Variants in PCLO observed in about 807,000 individuals in gnomAD.
PCLO encodes piccolo presynaptic cytomatrix protein.
A neutral mutation model predicts 427.5 loss-of-function variants in PCLO; 82 were observed. That is an observed-to-expected ratio of 0.19 (90% CI 0.16 to 0.23). The LOEUF is 0.23. Among genes scored for constraint, PCLO ranks in the 10% least tolerant of loss-of-function variants. The probability of loss-of-function intolerance (pLI) is 1.00; values close to 1 mark genes in which losing one functional copy is unlikely to be tolerated. For missense variants in PCLO, 6,239 were observed against 6,115.9 expected (o/e 1.02, Z -0.67); for synonymous variants, 2,357 against 2,155.4 (o/e 1.09, Z -2.59).
chr7:82,894,283 T>C (rs187181566), intron 9 of PCLO: 2 of 152,276 alleles, frequency 1.3e-5, no homozygotes, highest in Non-Finnish European at 2.9e-5. Context: ...CATTTGTTCA[T>C]GAGAAGCGCT....
At chr7:83,042,547 G>A (rs982571635) in intron 3 of PCLO, among the ~76,000 whole-genome samples, 2 of 152,092 alleles carry the variant, frequency 1.3e-5, no homozygotes, top group Non-Finnish European at 2.9e-5. Flanking sequence ...GATGAGGGTA[G>A]GGAAGTCACT....
Position 82,987,688 on chromosome 7 carries a change from C to T in PCLO, c.3301-21201G>A, listed in dbSNP as rs564309773. On this transcript the variant is annotated intron_variant, in intron 3 of 24. Coordinates refer to ENST00000333891, the MANE Select transcript of PCLO (RefSeq NM_033026.6). The stretch of plus-strand genomic sequence containing the variant: ...AATTTCACAGAAAAAAATCCTAATT[C>T]AAAGAACTTTGCATAAATATGTTTT... Among the ~76,000 whole-genome samples, 8 of 152,172 alleles carry T rather than the reference C, an allele frequency of 5.3e-5. No homozygotes were observed. In the East Asian group the frequency reaches 1.5e-3, roughly 29 times the overall value.
intron 22 of PCLO, among the ~76,000 whole-genome samples, chr7:82,788,506 A>C (rs2129468329): frequency 6.6e-6 from 1 of 152,144 alleles, no homozygotes; most frequent in Non-Finnish European, 1.5e-5. Context: ...TTCCCAAAAT[A>C]GAATTGTAAT....
intron 22 of PCLO, among the ~76,000 whole-genome samples, chr7:82,780,623 A>T (rs1043329552): frequency 6.6e-6 from 1 of 152,154 alleles, no homozygotes; most frequent in African/African-American, 2.4e-5. Context: ...TCTCCGCTCA[A>T]TGCAAGCTCC....
At chr7:82,772,482 T>C (rs1279290231) in intron 22 of PCLO, among the ~76,000 whole-genome samples, 1 of 152,148 alleles carries the variant, frequency 6.6e-6, no homozygotes, top group Non-Finnish European at 1.5e-5. Context: ...TCATTAATTT[T>C]TTTTCCCCAA....
chr7:83,068,430 A>C (rs1583980567), intron 3 of PCLO, among the ~76,000 whole-genome samples: 1 of 151,958 alleles, frequency 6.6e-6, no homozygotes, highest in Non-Finnish European at 1.5e-5. Flanking sequence ...CAAACAAAAA[A>C]CCCCCCAGAT....
chr7:82,822,394 G>A (rs1395340221), intron 20 of PCLO, 101 bp downstream of exon 20: 4 of 1,602,194 alleles, frequency 2.5e-6, no homozygotes, highest in Non-Finnish European at 2.6e-6. Flanking sequence ...GGTGAGCAGA[G>A]GATGTTGAAA....
chr7:82,960,502 A>G (rs1795632700), intron 4 of PCLO, among the ~76,000 whole-genome samples: 1 of 152,206 alleles, frequency 6.6e-6, no homozygotes, highest in African/African-American at 2.4e-5. Flanking sequence ...TTTGGTTTCT[A>G]TGAGGAGAGT....
chr7:83,025,495 G>A (rs1343338408), intron 3 of PCLO, among the ~76,000 whole-genome samples: 1 of 152,024 alleles, frequency 6.6e-6, no homozygotes, highest in Admixed American at 6.6e-5. Context: ...ACCTGAAAGT[G>A]ATGGGGAGAA....
At chr7:82,812,000 C>CT (rs1424478923) in intron 20 of PCLO, among the ~76,000 whole-genome samples, 1 of 151,258 alleles carries the variant, frequency 6.6e-6, no homozygotes, top group Non-Finnish European at 1.5e-5. Context: ...ATGTTGCAGG[C>CT]TTTTTTCTTA....
intron 3 of PCLO, among the ~76,000 whole-genome samples, chr7:82,970,109 A>C (rs1016003714): frequency 6.6e-6 from 1 of 152,028 alleles, no homozygotes; most frequent in African/African-American, 2.4e-5. Flanking sequence ...AAATCATATA[A>C]CATATGCCTG....
In PCLO at chr7:82,987,018, A is replaced by G. The variant is rs562083819; in HGVS notation, c.3301-20531T>C. Among the ~76,000 whole-genome samples the G allele has an allele frequency of 3.3e-5, 5 of 152,108 alleles. 1 individual carries two copies. The highest frequency in any genetic ancestry group is 1.2e-4 in the African/African-American group (5 of 41,574). ...CAAACCAAAACAGGTGAACTATTAT[A>G]AAGGGAAGCATATGCCATTTCGTCA... On this transcript the variant is annotated intron_variant, in intron 3 of 24. Transcript: ENST00000333891.
intron 3 of PCLO, among the ~76,000 whole-genome samples, chr7:83,082,570 G>A (rs1229211000): frequency 6.6e-6 from 1 of 151,590 alleles, no homozygotes; most frequent in Non-Finnish European, 1.5e-5. Flanking sequence ...AATATCTGAT[G>A]TTGGTAGTAC....
chr7:82,836,934 T>C (rs1292803615), intron 15 of PCLO, among the ~76,000 whole-genome samples: 2 of 152,132 alleles, frequency 1.3e-5, no homozygotes, highest in Non-Finnish European at 2.9e-5. Flanking sequence ...TTTTATGTCC[T>C]AGAAAACAGT....
intron 10 of PCLO, among the ~76,000 whole-genome samples, chr7:82,850,882 A>G (rs1461735289): frequency 3.3e-5 from 5 of 152,196 alleles, no homozygotes; most frequent in Admixed American, 1.3e-4. Flanking sequence ...TCATTCACAC[A>G]GGAGGAAGTT....
At chr7:82,903,530 G>A (rs140345970) in intron 8 of PCLO, among the ~76,000 whole-genome samples, 382 of 151,922 alleles carry the variant, frequency 2.5e-3, no homozygotes, top group Non-Finnish European at 4.2e-3. Flanking sequence ...GTGAAACATC[G>A]TTTCTGAAAC....
intron 9 of PCLO, among the ~76,000 whole-genome samples, chr7:82,887,288 A>C (rs1052459145): frequency 6.6e-6 from 1 of 152,128 alleles, no homozygotes; most frequent in East Asian, 1.9e-4. Flanking sequence ...TGTTCTTCCT[A>C]CCTTTGATCA....
intron 9 of PCLO, among the ~76,000 whole-genome samples, chr7:82,889,442 T>C (rs1213708825): frequency 6.6e-6 from 1 of 152,164 alleles, no homozygotes; most frequent in Non-Finnish European, 1.5e-5. Context: ...GCTTCTGAAC[T>C]AAGTTACAAT....
intron 8 of PCLO, among the ~76,000 whole-genome samples, chr7:82,908,135 T>C (rs1411680293): frequency 6.6e-6 from 1 of 152,086 alleles, no homozygotes; most frequent in African/African-American, 2.4e-5. Flanking sequence ...AGGCAATTGA[T>C]TAAAGGCCAC....
Sources: allele counts gnomAD v4.1 joint callset (sites outside exome capture counted in the v4.1 genomes callset), GRCh38; gene constraint gnomAD v4.1.1; transcripts MANE v1.5; gene names NCBI Gene and HGNC (gene_info 2026-07-23, HGNC 2026-07-21).